WDPCP: variants seen among roughly 807,000 people sequenced by gnomAD.
WDPCP encodes WD repeat containing planar cell polarity effector.
In WDPCP, 71 loss-of-function variants were observed where a neutral mutation model predicts 93.1. The observed-to-expected ratio is 0.76, with a 90% CI of 0.63 to 0.93. The LOEUF (loss-of-function observed/expected upper bound fraction) is 0.93. Among genes scored for constraint, WDPCP ranks in the 40% least tolerant of loss-of-function variants. The pLI is 0.00. For synonymous variants in WDPCP, 315 were observed against 315.0 expected (o/e 1.00, Z 0.00); for missense variants, 844 against 887.4 (o/e 0.95, Z 0.62).
At chr2:63,830,870 A>C (rs1671181893), upstream of WDPCP, among the ~76,000 whole-genome samples, 1 of 152,172 alleles carries the variant, frequency 6.6e-6, no homozygotes, top group African/African-American at 2.4e-5. Flanking sequence ...TGGTTTAAAA[A>C]ACTATATGTT....
At chr2:63,484,736 T>C (rs772071884) in intron 5 of WDPCP, 73 bp from the exon 6 acceptor site, 37 of 1,591,300 alleles carry the variant, frequency 2.3e-5, no homozygotes, top group Non-Finnish European at 3.1e-5. Context: ...GTGCCTCTGA[T>C]TTGCAAGCAA....
chr2:63,430,851 CAGCCTGGTGACAG>C (rs1696700329), intron 9 of WDPCP, among the ~76,000 whole-genome samples: 2 of 152,350 alleles, frequency 1.3e-5, no homozygotes, highest in South Asian at 4.1e-4. Context: ...CACTGGACTC[CAGCCTGGTGACAG>C]AGCGAGACTA....
chr2:63,177,747 G>A (rs944161039), intron 14 of WDPCP, among the ~76,000 whole-genome samples: 1 of 151,976 alleles, frequency 6.6e-6, no homozygotes, highest in African/African-American at 2.4e-5. Context: ...GGACATTCCA[G>A]TATTATGTTA....
upstream of WDPCP, chr2:63,593,489 A>G (rs2106601899): frequency 2.2e-6 from 1 of 463,430 alleles, no homozygotes; most frequent in East Asian, 7.0e-5. Flanking sequence ...TAGTGTCAGA[A>G]GCTTGAAAGA....
At chr2:63,371,732 A>G (rs909330273) in intron 12 of WDPCP, among the ~76,000 whole-genome samples, 1 of 152,098 alleles carries the variant, frequency 6.6e-6, no homozygotes, top group Non-Finnish European at 1.5e-5. Flanking sequence ...TTCCAGGGCC[A>G]GGGCCAAGGC....
chr2:63,227,078 T>A (rs534144730), intron 14 of WDPCP, among the ~76,000 whole-genome samples: 1 of 151,896 alleles, frequency 6.6e-6, no homozygotes, highest in East Asian at 1.9e-4. Context: ...TAGAAAAAAA[T>A]TTTCCTAAGG....
intron 1 of WDPCP, among the ~76,000 whole-genome samples, chr2:63,584,844 A>C (rs1708733010): frequency 6.6e-6 from 1 of 151,926 alleles, no homozygotes; most frequent in Admixed American, 6.6e-5. Flanking sequence ...TGCTCCTTTC[A>C]CTTGAAAAAA....
chr2:63,678,271 G>A (rs1710448061), intron 2 of WDPCP, among the ~76,000 whole-genome samples: 1 of 152,124 alleles, frequency 6.6e-6, no homozygotes, highest in African/African-American at 2.4e-5. Context: ...GGAAGAAAAG[G>A]GAAGAGCAAA....
intron 2 of WDPCP, among the ~76,000 whole-genome samples, chr2:63,703,543 T>C (rs906727218): frequency 6.6e-6 from 1 of 151,912 alleles, no homozygotes; most frequent in African/African-American, 2.4e-5. Context: ...TCTGTTCATA[T>C]CCTTTGCCCA....
chr2:63,334,593 G>C (rs1056738296), intron 12 of WDPCP, among the ~76,000 whole-genome samples: 1 of 152,162 alleles, frequency 6.6e-6, no homozygotes, highest in African/African-American at 2.4e-5. Context: ...AGTGAGTAGA[G>C]TGAGTAGTAG....
At chr2:63,355,132 C>T (rs1689918314) in intron 12 of WDPCP, among the ~76,000 whole-genome samples, 1 of 152,094 alleles carries the variant, frequency 6.6e-6, no homozygotes, top group Admixed American at 6.6e-5. Context: ...ATCCACAAGA[C>T]ACATAATCAT....
intron 14 of WDPCP, among the ~76,000 whole-genome samples, chr2:63,245,455 C>G (rs571536496): frequency 2.1e-4 from 32 of 152,256 alleles, no homozygotes; most frequent in African/African-American, 7.7e-4. Flanking sequence ...TGTAAAACAT[C>G]TTGGAGAGCA....
At chr2:63,228,527 ACCCATTAACTCGT>A in intron 14 of WDPCP, 1 of 150,928 alleles carries the variant, frequency 6.6e-6, no homozygotes. Flanking sequence ...GGTGTGCTGC[ACCCATTAACTCGT>A]CATTTAGCAT....
At chr2:63,746,272 C>A (rs552783217) in intron 2 of WDPCP, among the ~76,000 whole-genome samples, 205 of 152,278 alleles carry the variant, frequency 1.3e-3, no homozygotes, top group South Asian at 2.3e-3. Flanking sequence ...CCATGCCTGT[C>A]TTTACTTTAA....
At chr2:63,652,221 CACACAG>C (rs1251014472) in intron 2 of WDPCP, among the ~76,000 whole-genome samples, 1 of 152,170 alleles carries the variant, frequency 6.6e-6, no homozygotes. Flanking sequence ...CCTGGCCACC[CACACAG>C]ACACAGACAC....
In WDPCP at chr2:63,353,526, T is replaced by C. The variant is rs574684488; in HGVS notation, c.1748+24860A>G. On this transcript the variant is annotated intron_variant, in intron 12 of 17. Coordinates refer to ENST00000272321, the MANE Select transcript of WDPCP (RefSeq NM_015910.7). ...CCACAATCTTTGCTATTTGGGTGCC[T>C]TAGCTGCTCCAGTCAGGCTTTGGAG... Among the ~76,000 whole-genome samples, 43 of 152,246 alleles carry C rather than the reference T, an allele frequency of 2.8e-4. 1 individual carries two copies. The South Asian group carries it at 3.7e-3, about 13-fold the overall frequency.
chr2:63,621,231 G>A (rs1709732801), intron 3 of WDPCP, among the ~76,000 whole-genome samples: 1 of 152,012 alleles, frequency 6.6e-6, no homozygotes, highest in South Asian at 2.1e-4. Context: ...ACTCCTCTGA[G>A]CTAAAGGAGC....
chr2:63,576,088 A>G (rs1708095166), intron 1 of WDPCP, among the ~76,000 whole-genome samples: 1 of 152,210 alleles, frequency 6.6e-6, no homozygotes, highest in Admixed American at 6.5e-5. Flanking sequence ...TTCTCATACC[A>G]GATGTACGTG....
At chr2:63,624,476 C>T (rs1709785172) in intron 3 of WDPCP, among the ~76,000 whole-genome samples, 1 of 151,826 alleles carries the variant, frequency 6.6e-6, no homozygotes, top group Non-Finnish European at 1.5e-5. Context: ...CAAATAGACA[C>T]AATAAAAAAA....
Sources: allele counts gnomAD v4.1 joint callset (sites outside exome capture counted in the v4.1 genomes callset), GRCh38; gene constraint gnomAD v4.1.1; transcripts MANE v1.5; gene names NCBI Gene and HGNC (gene_info 2026-07-23, HGNC 2026-07-21).